KHDRBS2: variants seen among roughly 807,000 people sequenced by gnomAD.
KHDRBS2 encodes the protein KH RNA binding domain containing, signal transduction associated 2, also known as KH domain-containing, RNA-binding, signal transduction-associated protein 2.
A neutral mutation model predicts 44.3 loss-of-function variants in KHDRBS2; 26 were observed. The observed-to-expected ratio is 0.59, with a 90% CI of 0.43 to 0.81. The LOEUF (loss-of-function observed/expected upper bound fraction) is 0.81, where lower values mean the gene tolerates loss of function less well. Among genes scored for constraint, KHDRBS2 ranks in the 40% least tolerant of loss-of-function variants. The pLI is 0.00. For synonymous variants in KHDRBS2, 194 were observed against 151.1 expected, an observed-to-expected ratio of 1.28 and a Z score of -2.08; for missense variants, 476 against 433.1, an observed-to-expected ratio of 1.10 and a Z score of -0.88.
At chr6:61,602,049 T>C in the KHDRBS2 span, among the ~76,000 whole-genome samples, 1 of 152,170 alleles carries the variant, frequency 6.6e-6, no homozygotes, top group South Asian at 2.1e-4. Flanking sequence ...CCTGAGATGC[T>C]TTACAGCCCT....
chr6:61,575,708 G>T, the KHDRBS2 span, among the ~76,000 whole-genome samples: 1 of 152,142 alleles, frequency 6.6e-6, no homozygotes, highest in African/African-American at 2.4e-5. Context: ...CAGCCTAAAT[G>T]CCCAGCAACC....
chr6:61,587,384 C>T, the KHDRBS2 span, among the ~76,000 whole-genome samples: 5 of 121,460 alleles, frequency 4.1e-5, 1 homozygote, highest in South Asian at 7.5e-4. Flanking sequence ...TCTCTCTCTG[C>T]AAACAGGTTT....
At chr6:61,977,502 T>C (rs764395334) in intron 4 of KHDRBS2, among the ~76,000 whole-genome samples, 7 of 152,162 alleles carry the variant, frequency 4.6e-5, no homozygotes, top group Non-Finnish European at 7.4e-5. Context: ...AGTGAGTTTA[T>C]TTTTCCAATT....
At chr6:61,588,880 G>A in the KHDRBS2 span, among the ~76,000 whole-genome samples, 68 of 152,184 alleles carry the variant, frequency 4.5e-4, no homozygotes, top group South Asian at 8.9e-3. Flanking sequence ...GGAATACAAC[G>A]CAGCCATAAA....
intron 1 of KHDRBS2, among the ~76,000 whole-genome samples, chr6:62,177,926 G>A (rs1241033393): frequency 3.3e-5 from 5 of 151,112 alleles, no homozygotes; most frequent in Non-Finnish European, 7.4e-5. Flanking sequence ...TACCAAATTC[G>A]ATATTTTGGA....
rs182285029 is a variant in KHDRBS2 at position 62,190,740 on chromosome 6, T to A, written c.92-13428A>T. 5.6e-3 allele frequency among the ~76,000 whole-genome samples: 845 copies of A among 152,210 alleles called. 4 individuals carry two copies. The highest frequency in any genetic ancestry group is 8.0e-3 in the Non-Finnish European group (542 of 68,008). Reference sequence around the variant, plus strand: ...AGCTCTAAAACCTATTCTTTCACTATCTTCTCTTTTACCACAATCTTCCTA... The same window carrying A: ...AGCTCTAAAACCTATTCTTTCACTAACTTCTCTTTTACCACAATCTTCCTA... On this transcript the variant is annotated intron_variant, in intron 1 of 8. Transcript: ENST00000281156.
At chr6:61,607,823 G>T in the KHDRBS2 span, among the ~76,000 whole-genome samples, 1 of 152,088 alleles carries the variant, frequency 6.6e-6, no homozygotes, top group African/African-American at 2.4e-5. Context: ...TGGTAGCTGG[G>T]ATTACAGCTG....
Position 62,278,281 on chromosome 6 carries a change from A to C in KHDRBS2, c.91+7577T>G, listed in dbSNP as rs150026685. ...AAAAGGAAAGCTGATGATACTACAC[A>C]GTTATTTCCAGGGGTTTCTAAAAAC... On this transcript the variant is annotated intron_variant, in intron 1 of 8. Transcript: ENST00000281156. Among the ~76,000 whole-genome samples the C allele has an allele frequency of 5.4e-3, 819 of 152,326 alleles. 4 individuals carry two copies. Among genetic ancestry groups the C allele is most frequent in the Middle Eastern group, 0.017 (5 of 294 alleles).
intron 2 of KHDRBS2, among the ~76,000 whole-genome samples, chr6:62,094,490 C>T (rs187507802): frequency 1.2e-3 from 179 of 151,914 alleles, no homozygotes; most frequent in Non-Finnish European, 1.9e-3. Flanking sequence ...TAGGTTATCT[C>T]TTTGCTCTGT....
At chr6:61,879,147 A>G (rs1025384201) in intron 6 of KHDRBS2, among the ~76,000 whole-genome samples, 5 of 151,980 alleles carry the variant, frequency 3.3e-5, no homozygotes, top group African/African-American at 1.2e-4. Context: ...AAAGCAGTAT[A>G]TACCTACTTA....
chr6:62,278,709 C>T (rs1252929599), intron 1 of KHDRBS2, among the ~76,000 whole-genome samples: 6 of 152,220 alleles, frequency 3.9e-5, no homozygotes, highest in East Asian at 1.9e-4. Context: ...CCACAAGATT[C>T]GGGAATGACA....
the KHDRBS2 span, among the ~76,000 whole-genome samples, chr6:61,586,050 A>G: frequency 1.3e-5 from 2 of 152,170 alleles, no homozygotes; most frequent in Non-Finnish European, 2.9e-5. Context: ...CTGAAAAACA[A>G]AGAACCAGAA....
At chr6:61,736,393 G>A (rs1215334021) in intron 6 of KHDRBS2, among the ~76,000 whole-genome samples, 1 of 151,968 alleles carries the variant, frequency 6.6e-6, no homozygotes, top group Non-Finnish European at 1.5e-5. Context: ...AAGATTCAGG[G>A]CAGTCCAGCA....
intron 4 of KHDRBS2, among the ~76,000 whole-genome samples, chr6:61,907,786 A>G (rs1358916460): frequency 1.3e-5 from 2 of 152,200 alleles, no homozygotes; most frequent in Non-Finnish European, 2.9e-5. Context: ...TTGCTTAAGC[A>G]TTAAGTCTAA....
chr6:61,820,684 C>A (rs1789758325), intron 6 of KHDRBS2, among the ~76,000 whole-genome samples: 1 of 151,956 alleles, frequency 6.6e-6, no homozygotes, highest in South Asian at 2.1e-4. Flanking sequence ...CATTTGTATT[C>A]CTGTTTTAAT....
chr6:61,876,465 C>T (rs532368560), intron 6 of KHDRBS2, among the ~76,000 whole-genome samples: 1 of 151,574 alleles, frequency 6.6e-6, no homozygotes, highest in East Asian at 2.0e-4. Flanking sequence ...AAGTAGGTAG[C>T]TTTATAGAAT....
chr6:61,595,373 C>T, the KHDRBS2 span, among the ~76,000 whole-genome samples: 1 of 152,070 alleles, frequency 6.6e-6, no homozygotes, highest in Non-Finnish European at 1.5e-5. Context: ...TTTAGTCACA[C>T]AAAATTTAGA....
chr6:61,709,920 T>C (rs1477086800), intron 7 of KHDRBS2, among the ~76,000 whole-genome samples: 1 of 151,704 alleles, frequency 6.6e-6, no homozygotes, highest in East Asian at 1.9e-4. Flanking sequence ...CTCTAGTTAC[T>C]TCAATACTTT....
intron 2 of KHDRBS2, among the ~76,000 whole-genome samples, chr6:62,059,208 T>TG (rs1791066791): frequency 9.8e-5 from 11 of 112,576 alleles, no homozygotes; most frequent in African/African-American, 3.0e-4. Context: ...GTTTTTTTTT[T>TG]TTTTTTTTTT....
Sources: gnomAD v4.1 joint callset for allele counts (sites outside exome capture counted in the v4.1 genomes callset) on GRCh38, gnomAD v4.1.1 for gene constraint, MANE v1.5 for transcripts, NCBI Gene and HGNC (gene_info 2026-07-23, HGNC 2026-07-21) for gene names.